The following CEP95 variants were observed in gnomAD, a reference collection of about 807,000 sequenced individuals.
The protein encoded by CEP95 is centrosomal protein 95, also known as centrosomal protein of 95 kDa.
A neutral mutation model predicts 111.2 loss-of-function variants in CEP95; 98 were observed. The ratio of observed to expected loss-of-function variants is 0.88; its 90% CI spans 0.75 to 1.04. The LOEUF is 1.04. Ranked by LOEUF, CEP95 falls within the 50% of genes least tolerant of loss-of-function variation. The pLI is 0.00. For missense variants in CEP95, 1,027 were observed against 977.2 expected (o/e 1.05, Z -0.68); for synonymous variants, 323 against 327.1 (o/e 0.99, Z 0.14).
At position 64,527,159 on chromosome 17, in the gene CEP95, A is replaced by G; in HGVS notation, c.1201A>G (p.Lys401Glu). Residue 401 changes from lysine to glutamate, a missense_variant, in exon 11 of 20, where the codon AAA (lysine) becomes GAA (glutamate). Physicochemically the swap from Lys to Glu is moderately conservative, Grantham distance 56. Transcript: ENST00000556440. ...GDRIKEKTDHKEENTGNEEVE... is the reference protein window; with the variant it reads ...GDRIKEKTDHEEENTGNEEVE... ...TCGGATTAAAGAAAAGACTGACCAT[A>G]AAGAAGAAAATACTGGAAATGAGGA... 1 of 1,613,538 alleles carries G rather than the reference A, an allele frequency of 6.2e-7. No individual in the cohort carries two copies. The highest frequency in any genetic ancestry group is 1.1e-5 in the South Asian group (1 of 91,068).
At chr17:64,512,418 A>G (rs2038944279) in intron 3 of CEP95, among the ~76,000 whole-genome samples, 1 of 152,220 alleles carries the variant, frequency 6.6e-6, no homozygotes, top group African/African-American at 2.4e-5. Flanking sequence ...AAATCTCCAA[A>G]ATAAAGTATA....
chr17:64,518,679 A>G (rs1967065676), intron 5 of CEP95, among the ~76,000 whole-genome samples: 1 of 151,908 alleles, frequency 6.6e-6, no homozygotes, highest in African/African-American at 2.4e-5. Flanking sequence ...CCATCATAAG[A>G]TGAAATTTTT....
At chr17:64,531,246 T>G in intron 13 of CEP95, 1 of 368,974 alleles carries the variant, frequency 2.7e-6, no homozygotes, top group Non-Finnish European at 4.8e-6. Context: ...TTCCGCTACT[T>G]AAAACTTCCC....
chr17:64,518,692 T>TG (rs1967067123), intron 5 of CEP95, among the ~76,000 whole-genome samples: 1 of 152,134 alleles, frequency 6.6e-6, no homozygotes, highest in Non-Finnish European at 1.5e-5. Flanking sequence ...AAATTTTTTT[T>TG]TTTTTGAGAC....
chr17:64,531,170 C>G (rs1268301441), intron 13 of CEP95, 152 bp downstream of exon 13: 1 of 444,270 alleles, frequency 2.3e-6, no homozygotes, highest in Non-Finnish European at 4.0e-6. Context: ...ACAGGACTTG[C>G]TTATTAATAA....
At chr17:64,527,889 TATACAC>T (rs1238710345) in intron 11 of CEP95, among the ~76,000 whole-genome samples, 11 of 143,000 alleles carry the variant, frequency 7.7e-5, no homozygotes, top group African/African-American at 2.8e-4. Flanking sequence ...TATATATATA[TATACAC>T]ACACACACAC....
At position 64,507,005 on chromosome 17, in the gene CEP95, C is replaced by A; in HGVS notation, c.-93C>A. On this transcript the variant is annotated 5_prime_UTR_variant, in exon 1 of 20. Transcript: ENST00000556440. The stretch of plus-strand genomic sequence containing the variant: ...CCCCGCGCTTTGGTTCGTGCGTCCG[C>A]GCCCCAGTGTCGGGTCTGCGTGGAT... The A allele has an allele frequency of 6.9e-7, 1 of 1,442,202 alleles. No homozygotes were observed. Among genetic ancestry groups the A allele is most frequent in the African/African-American group, 1.4e-5 (1 of 71,312 alleles). The allele number at this position is 1,442,202 out of a possible 1,614,324, so 89.3% of individuals were successfully genotyped here. A position where few individuals can be genotyped will look rare whatever the true frequency, so the allele number is the denominator to read the frequency against.
At chr17:64,512,088 A>G (rs1430429853) in intron 3 of CEP95, among the ~76,000 whole-genome samples, 1 of 152,228 alleles carries the variant, frequency 6.6e-6, no homozygotes, top group Non-Finnish European at 1.5e-5. Flanking sequence ...ATGACTGAAT[A>G]TGCTCTTTGT....
chr17:64,536,830 CAAT>C (rs1968689759), intron 18 of CEP95, 82 bp downstream of exon 18: 3 of 1,463,442 alleles, frequency 2.0e-6, no homozygotes, highest in African/African-American at 2.8e-5. Context: ...AGTCTGTTGA[CAAT>C]AAACCTTGTG....
chr17:64,508,397 C>T (rs948893268), intron 1 of CEP95, 195 bp from the exon 2 acceptor site: 1 of 983,796 alleles, frequency 1.0e-6, no homozygotes, highest in African/African-American at 1.7e-5. Context: ...TGGAAATCAT[C>T]CCAAGAAATT....
intron 7 of CEP95, 37 bp downstream of exon 7, chr17:64,521,564 G>A (rs782287513): frequency 1.3e-6 from 2 of 1,590,566 alleles, no homozygotes; most frequent in African/African-American, 1.3e-5. Flanking sequence ...TACTGCTGAT[G>A]ATCATTCTTG....
In CEP95 at chr17:64,527,340, T is replaced by A. The variant is rs1264720185; in HGVS notation, c.1306+76T>A. ...GGCAGTTCCATCTGTTCTTAATAACTTATATTCTAATTTTAAATAGTTGAG... is the reference window on the plus strand; with the variant it reads ...GGCAGTTCCATCTGTTCTTAATAACATATATTCTAATTTTAAATAGTTGAG... On this transcript the variant is annotated intron_variant, in intron 11 of 19. Transcript: ENST00000556440. 3 of 1,106,316 alleles carry A rather than the reference T, an allele frequency of 2.7e-6. No homozygotes were observed. In the African/African-American group the frequency reaches 4.8e-5, roughly 18 times the overall value. 68.5% of individuals were successfully genotyped at this position (1,106,316 alleles called of 1,614,324 possible).
intron 5 of CEP95, among the ~76,000 whole-genome samples, chr17:64,518,305 C>T (rs1967034067): frequency 6.6e-6 from 1 of 152,136 alleles, no homozygotes; most frequent in African/African-American, 2.4e-5. Flanking sequence ...AAACGTGATA[C>T]TTAATGTTTA....
intron 6 of CEP95, chr17:64,520,544 C>T (rs536003503): frequency 6.6e-6 from 1 of 150,598 alleles, no homozygotes; most frequent in Non-Finnish European, 1.5e-5. Flanking sequence ...ACTGCAACCT[C>T]TGCCTCAGCC....
chr17:64,511,369 G>A (rs534339457), intron 3 of CEP95, among the ~76,000 whole-genome samples: 2 of 152,166 alleles, frequency 1.3e-5, no homozygotes, highest in Non-Finnish European at 2.9e-5. Context: ...CCACGCCCGG[G>A]GGACCGTCTG....
chr17:64,533,602 G>A (rs1968440508), intron 16 of CEP95, among the ~76,000 whole-genome samples: 1 of 152,094 alleles, frequency 6.6e-6, no homozygotes, highest in South Asian at 2.1e-4. Flanking sequence ...GTGAGACCCT[G>A]TCTCAACAAC....
At chr17:64,507,690 G>T (rs1314546946) in intron 1 of CEP95, 23 of 986,378 alleles carry the variant, frequency 2.3e-5, no homozygotes, top group Non-Finnish European at 2.8e-5. Flanking sequence ...GTACAAACCA[G>T]TTGTCATGGT....
rs1568158054 is a variant in CEP95 at position 64,534,742 on chromosome 17, G to A, written c.2070+5G>A. 1.9e-6 allele frequency: 3 copies of A among 1,609,474 alleles called. No homozygotes were observed. Among genetic ancestry groups the A allele is most frequent in the Non-Finnish European group, 2.5e-6 (3 of 1,177,630 alleles). On this transcript the variant is annotated splice_donor_5th_base_variant and intron_variant, in intron 17 of 19. Coordinates refer to ENST00000556440, the MANE Select transcript of CEP95 (RefSeq NM_138363.3). ...ATGAGGACCCGGGAAGAAATGGTAA[G>A]TCTGACTTTTCTGTCCAGCCCTGTT...
At position 64,522,725 on chromosome 17, in the gene CEP95, A is replaced by T. The variant is rs782398246; in HGVS notation, c.739A>T (p.Ile247Phe). The change falls in exon 8 of 20, where the codon ATT becomes TTT. Residue 247 changes from isoleucine to phenylalanine, a missense_variant. Ile to Phe is a conservative substitution (Grantham distance 21). Coordinates refer to ENST00000556440, the MANE Select transcript of CEP95 (RefSeq NM_138363.3). ...AGCGGAAACCCTTTCTGTGAGTGGG[A>T]TTCCAAATGCTAGGAAGCTAGGGGA... ...EDTETLSVSG[I>F]PNARKLGEPI... The T allele has an allele frequency of 3.7e-6, 6 of 1,613,078 alleles. No individual in the cohort carries two copies. The East Asian group carries it at 1.1e-4, about 30-fold the overall frequency.
Sources: allele counts gnomAD v4.1 joint callset (sites outside exome capture counted in the v4.1 genomes callset), GRCh38; gene constraint gnomAD v4.1.1; transcripts MANE v1.5; gene names NCBI Gene and HGNC (gene_info 2026-07-23, HGNC 2026-07-21).